NR3C1: variants seen among roughly 807,000 people sequenced by gnomAD.
NR3C1 encodes the protein nuclear receptor subfamily 3 group C member 1, also known as glucocorticoid receptor.
A neutral mutation model predicts 74.0 loss-of-function variants in NR3C1; 14 were observed. The ratio of observed to expected loss-of-function variants is 0.19; its 90% CI spans 0.12 to 0.30. The LOEUF is 0.30. Among genes scored for constraint, NR3C1 ranks in the 10% least tolerant of loss-of-function variants. NR3C1 has a pLI of 1.00. For missense variants in NR3C1, 695 were observed against 909.8 expected (o/e 0.76, Z 3.04); for synonymous variants, 308 against 332.5 (o/e 0.93, Z 0.80).
At chr5:143,290,866 C>T (rs988650289) in intron 7 of NR3C1, among the ~76,000 whole-genome samples, 1 of 152,050 alleles carries the variant, frequency 6.6e-6, no homozygotes, top group Non-Finnish European at 1.5e-5. Context: ...CTGGCCCCAT[C>T]TCTATATTTA....
chr5:143,405,284 G>A, upstream of NR3C1: 2 of 985,746 alleles, frequency 2.0e-6, no homozygotes, highest in Non-Finnish European at 2.4e-6. Context: ...GGGGGCTGCC[G>A]CAGCTCCACC....
intron 7 of NR3C1, among the ~76,000 whole-genome samples, chr5:143,285,038 GAAAC>G (rs1814063341): frequency 1.5e-5 from 2 of 131,764 alleles, no homozygotes; most frequent in Non-Finnish European, 1.6e-5. Context: ...CAGACTACTG[GAAAC>G]GAAGGAGGTA....
intron 2 of NR3C1, among the ~76,000 whole-genome samples, chr5:143,353,042 C>G (rs2963150): frequency 1.3e-5 from 2 of 152,188 alleles, no homozygotes; most frequent in Non-Finnish European, 2.9e-5. Flanking sequence ...TTATGTAATA[C>G]TCTAAATCCT....
At chr5:143,332,501 C>T (rs1826188272) in intron 2 of NR3C1, 1 of 584,490 alleles carries the variant, frequency 1.7e-6, no homozygotes, top group Non-Finnish European at 3.0e-6. Context: ...CCACCATGGC[C>T]ACATGTTTAC....
intron 1 of NR3C1, among the ~76,000 whole-genome samples, chr5:143,416,327 A>G (rs13162395): frequency 0.018 from 2,676 of 152,166 alleles, 79 homozygotes; most frequent in African/African-American, 0.057. Flanking sequence ...GGACAGATAC[A>G]CCTTAATTCT....
intron 2 of NR3C1, among the ~76,000 whole-genome samples, chr5:143,398,557 C>T (rs1839676191): frequency 6.6e-6 from 1 of 151,846 alleles, no homozygotes; most frequent in South Asian, 2.1e-4. Context: ...CGATGAATAT[C>T]ACTAACATTT....
intron 2 of NR3C1, among the ~76,000 whole-genome samples, chr5:143,349,437 A>T (rs1051034657): frequency 2.6e-5 from 4 of 152,016 alleles, no homozygotes; most frequent in African/African-American, 9.6e-5. Context: ...AGAAGACTTT[A>T]CCCCTTCTGT....
Position 143,300,789 on chromosome 5 carries a change from G to C in NR3C1, c.1469-26C>G, listed in dbSNP as rs1412675136. On this transcript the variant is annotated intron_variant, in intron 4 of 8. Transcript: ENST00000394464. The surrounding 1 kb of genome is among the most constrained non-coding windows in gnomAD (Gnocchi z 5.2). Reference sequence around the variant, plus strand: ...CTGTGGGTATTTAAACAAATACATAGAAATGAACTGTAATGGGAAGGTCTG... The same window carrying C: ...CTGTGGGTATTTAAACAAATACATACAAATGAACTGTAATGGGAAGGTCTG... The C allele has an allele frequency of 6.2e-7, 1 of 1,604,252 alleles. No individual in the cohort carries two copies. The highest frequency in any genetic ancestry group is 8.5e-7 in the Non-Finnish European group (1 of 1,172,352).
At chr5:143,365,035 C>T (rs1832945337) in intron 2 of NR3C1, among the ~76,000 whole-genome samples, 1 of 151,960 alleles carries the variant, frequency 6.6e-6, no homozygotes, top group Non-Finnish European at 1.5e-5. Context: ...ATAAAATCTC[C>T]GTGGCAACCA....
Position 143,295,569 on chromosome 5 carries a change from G to A in NR3C1, c.1914C>T (p.Cys638=). ...IINEQRMTLP[C]MYDQCKHMLY... ...GCATGTGTTTACATTGGTCGTACAT[G>A]CAGGGTAGAGTCATTCTCTGCCTGT... Residue 638 remains cysteine (C), a synonymous_variant, in exon 7 of 9, where the codon TGC becomes TGT. Transcript: ENST00000394464. 6.2e-7 allele frequency: 1 copy of A among 1,612,892 alleles called. No individual in the cohort carries two copies. The highest frequency in any genetic ancestry group is 8.5e-7 in the Non-Finnish European group (1 of 1,179,196).
In NR3C1 at chr5:143,399,214, G is replaced by A. The variant is rs550966180; in HGVS notation, c.1184+442C>T. ...CTTTAATCTCAAGCTAACACTTAAC[G>A]AATTTACAAATAAGGCAGCACAACT... On this transcript the variant is annotated intron_variant, in intron 2 of 8. Transcript: ENST00000394464. Among the ~76,000 whole-genome samples, 59 of 152,222 alleles carry A rather than the reference G, an allele frequency of 3.9e-4. 1 individual carries two copies. In the South Asian group the frequency reaches 0.012, roughly 31 times the overall value.
chr5:143,402,564 G>A (rs980630104), intron 1 of NR3C1: 5 of 983,170 alleles, frequency 5.1e-6, no homozygotes, highest in Non-Finnish European at 6.0e-6. Context: ...GTGGAGAAGA[G>A]AAAAAAGTGC....
intron 4 of NR3C1, among the ~76,000 whole-genome samples, chr5:143,302,745 ATAC>A (rs1561514100): frequency 1.2e-4 from 18 of 152,270 alleles, no homozygotes. Context: ...GCAAGAAATA[ATAC>A]TAATTAATTT....
chr5:143,298,529 A>G, intron 6 of NR3C1, 139 bp downstream of exon 6: 1 of 862,874 alleles, frequency 1.2e-6, no homozygotes, highest in Non-Finnish European at 1.9e-6. Flanking sequence ...TCATAACTCT[A>G]TTTCCAGTTT....
rs1818351566 is a variant in NR3C1 at position 143,300,853 on chromosome 5, A to C, written c.1469-90T>G. On this transcript the variant is annotated intron_variant, in intron 4 of 8. Transcript: ENST00000394464. This position sits in a 1 kb window ranked among gnomAD's most constrained non-coding sequence, Gnocchi z 5.2. ...ATTCAAGAAGTATTTTTACTTTCTA[A>C]AACTATTAAGATGGGAGAAATATTT... The C allele has an allele frequency of 2.4e-6, 3 of 1,241,270 alleles. No individual in the cohort carries two copies. The highest frequency in any genetic ancestry group is 3.4e-6 in the Non-Finnish European group (3 of 886,528). The allele number at this position is 1,241,270 out of a possible 1,614,324, so 76.9% of individuals were successfully genotyped here. A position where few individuals can be genotyped will look rare whatever the true frequency, so the allele number is the denominator to read the frequency against.
At chr5:143,356,245 A>G (rs942522717) in intron 2 of NR3C1, among the ~76,000 whole-genome samples, 4 of 152,154 alleles carry the variant, frequency 2.6e-5, no homozygotes, top group Non-Finnish European at 5.9e-5. Flanking sequence ...AGGACACAAT[A>G]TCGATCTTAA....
intron 2 of NR3C1, among the ~76,000 whole-genome samples, chr5:143,326,388 A>G (rs1413633079): frequency 6.6e-6 from 1 of 152,238 alleles, no homozygotes; most frequent in Non-Finnish European, 1.5e-5. Context: ...ATTATAATTA[A>G]GAGATACAAA....
At chr5:143,411,495 T>G (rs2151955343) in intron 1 of NR3C1, among the ~76,000 whole-genome samples, 1 of 152,330 alleles carries the variant, frequency 6.6e-6, no homozygotes, top group African/African-American at 2.4e-5. Context: ...TGTTGGGACT[T>G]CAGTACCATG....
intron 1 of NR3C1, chr5:143,434,466 T>G (rs752441030): frequency 2.3e-6 from 2 of 885,786 alleles, no homozygotes; most frequent in Non-Finnish European, 2.7e-6. Flanking sequence ...TGAGTGACCT[T>G]TAACAAGTAA....
Sources: gnomAD v4.1 joint callset for allele counts (sites outside exome capture counted in the v4.1 genomes callset) on GRCh38, gnomAD v4.1.1 for gene constraint, Gnocchi (gnomAD v3.1) non-coding constraint, MANE v1.5 for transcripts, NCBI Gene and HGNC (gene_info 2026-07-23, HGNC 2026-07-21) for gene names.